The following ESRRG variants were observed in gnomAD, a reference collection of about 807,000 sequenced individuals.
The protein encoded by ESRRG is estrogen-related receptor gamma.
In ESRRG, 13 loss-of-function variants were observed where a neutral mutation model predicts 44.0. The observed-to-expected ratio is 0.30, with a 90% CI of 0.19 to 0.47. The LOEUF (loss-of-function observed/expected upper bound fraction) is 0.47, where lower values mean the gene tolerates loss of function less well. Ranked by LOEUF, ESRRG falls within the 20% of genes least tolerant of loss-of-function variation. The pLI, the probability that ESRRG is intolerant of heterozygous loss-of-function variation, is 1.00. For synonymous variants in ESRRG, 215 were observed against 214.6 expected, an observed-to-expected ratio of 1.00 and a Z score of -0.02; for missense variants, 395 against 580.6, an observed-to-expected ratio of 0.68 and a Z score of 3.29.
At chr1:216,530,133 AG>A (rs901855480) in intron 5 of ESRRG, among the ~76,000 whole-genome samples, 2,425 of 135,774 alleles carry the variant, frequency 0.018, 133 homozygotes, top group African/African-American at 0.02. Flanking sequence ...AAAAAAAAAA[AG>A]GGGGTGGGGG....
intron 1 of ESRRG, among the ~76,000 whole-genome samples, chr1:216,975,736 C>A (rs1348177241): frequency 1.3e-5 from 2 of 152,208 alleles, no homozygotes; most frequent in African/African-American, 4.8e-5. Context: ...TTGTAGAATG[C>A]CCTTTAATCA....
intron 2 of ESRRG, among the ~76,000 whole-genome samples, chr1:216,815,480 G>A (rs2095104553): frequency 2.0e-5 from 3 of 152,120 alleles, no homozygotes; most frequent in Non-Finnish European, 4.4e-5. Flanking sequence ...AGTGGGATAT[G>A]CTACACACCT....
At chr1:216,526,533 C>T (rs921846029) in intron 5 of ESRRG, among the ~76,000 whole-genome samples, 1 of 152,104 alleles carries the variant, frequency 6.6e-6, no homozygotes, top group African/African-American at 2.4e-5. Context: ...ACCCAAACCT[C>T]CTGCCACCTG....
chr1:216,670,507 C>T (rs1313482738), intron 2 of ESRRG, among the ~76,000 whole-genome samples: 1 of 152,160 alleles, frequency 6.6e-6, no homozygotes, highest in Non-Finnish European at 1.5e-5. Flanking sequence ...CACAAAGATC[C>T]CACTCAAAGT....
intron 2 of ESRRG, among the ~76,000 whole-genome samples, chr1:216,733,220 T>C (rs1168989442): frequency 6.6e-6 from 1 of 151,802 alleles, no homozygotes; most frequent in Non-Finnish European, 1.5e-5. Context: ...TTCATCTCCA[T>C]AATTTTGCTA....
chr1:217,089,248 A>G (rs901405203), intron 1 of ESRRG, among the ~76,000 whole-genome samples: 1 of 152,004 alleles, frequency 6.6e-6, no homozygotes, highest in Non-Finnish European at 1.5e-5. Context: ...TCTAATTGCA[A>G]TTAGAATTCA....
intron 1 of ESRRG, among the ~76,000 whole-genome samples, chr1:216,968,157 T>C (rs1456520300): frequency 6.6e-6 from 1 of 152,220 alleles, no homozygotes; most frequent in African/African-American, 2.4e-5. Context: ...ATAAGATGTC[T>C]TTTATAAATG....
intron 3 of ESRRG, among the ~76,000 whole-genome samples, chr1:216,582,404 C>G (rs2062955045): frequency 1.3e-5 from 2 of 152,106 alleles, no homozygotes. Flanking sequence ...GAAGGAATGT[C>G]TTTTTGCCAA....
chr1:216,653,091 C>A (rs1341538864), intron 2 of ESRRG, among the ~76,000 whole-genome samples: 1 of 152,196 alleles, frequency 6.6e-6, no homozygotes, highest in Admixed American at 6.5e-5. Context: ...TCCTACGCAC[C>A]TTTAACCCAG....
intron 1 of ESRRG, among the ~76,000 whole-genome samples, chr1:217,133,627 TTCTTTC>T (rs1189374132): frequency 1.3e-4 from 5 of 38,798 alleles, no homozygotes; most frequent in African/African-American, 2.0e-4. Flanking sequence ...CTTTCTTTCT[TTCTTTC>T]TCTCTCTCTC....
At chr1:216,878,985 T>C (rs1421193751) in intron 2 of ESRRG, among the ~76,000 whole-genome samples, 1 of 152,136 alleles carries the variant, frequency 6.6e-6, no homozygotes, top group Non-Finnish European at 1.5e-5. Context: ...AAAGATTAAA[T>C]TACAACTATG....
intron 1 of ESRRG, among the ~76,000 whole-genome samples, chr1:216,694,538 T>G (rs141856553): frequency 6.6e-6 from 1 of 152,188 alleles, no homozygotes; most frequent in East Asian, 1.9e-4. Context: ...TTTCTTTTTC[T>G]TATCTTTTCT....
chr1:216,545,767 A>G lies in ESRRG; in HGVS notation c.862+18452T>C, dbSNP rs368440958. 2.8e-4 allele frequency among the ~76,000 whole-genome samples: 42 copies of G among 152,162 alleles called. No homozygotes were observed. In the Middle Eastern group the frequency reaches 0.014, roughly 49 times the overall value. On this transcript the variant is annotated intron_variant, in intron 5 of 6. Transcript: ENST00000408911. Reference sequence around the variant, plus strand: ...ATAAATATCTCCCATGAAATTTCCAAGAAAACTCTTAATTCAAATGTTCCC... The same window carrying G: ...ATAAATATCTCCCATGAAATTTCCAGGAAAACTCTTAATTCAAATGTTCCC...
intron 1 of ESRRG, among the ~76,000 whole-genome samples, chr1:217,077,164 C>A (rs2091378133): frequency 6.6e-6 from 1 of 152,126 alleles, no homozygotes; most frequent in African/African-American, 2.4e-5. Flanking sequence ...TGGCTGAATC[C>A]ATGGTTACCC....
At chr1:216,652,836 A>G (rs539274083) in intron 2 of ESRRG, among the ~76,000 whole-genome samples, 1 of 152,182 alleles carries the variant, frequency 6.6e-6, no homozygotes, top group African/African-American at 2.4e-5. Context: ...GTTGCTAGTA[A>G]TTTTCTAAGG....
intron 3 of ESRRG, among the ~76,000 whole-genome samples, chr1:216,630,431 C>T (rs909648376): frequency 1.2e-4 from 17 of 141,638 alleles, no homozygotes; most frequent in African/African-American, 3.2e-4. Flanking sequence ...CATGTGCATG[C>T]ACATGTGCGT....
intron 3 of ESRRG, among the ~76,000 whole-genome samples, chr1:216,601,331 T>A (rs1426916424): frequency 6.6e-6 from 1 of 152,014 alleles, no homozygotes; most frequent in Admixed American, 6.5e-5. Context: ...CGGAGGGCGC[T>A]GCGCGCGTCC....
At chr1:216,846,501 T>C (rs899908165) in intron 2 of ESRRG, among the ~76,000 whole-genome samples, 1 of 152,092 alleles carries the variant, frequency 6.6e-6, no homozygotes, top group East Asian at 1.9e-4. Context: ...AGTAGATAAA[T>C]GGCTGTGACT....
chr1:216,894,604 G>A (rs1054645207), intron 2 of ESRRG, among the ~76,000 whole-genome samples: 1 of 152,012 alleles, frequency 6.6e-6, no homozygotes, highest in African/African-American at 2.4e-5. Context: ...TTCCCTCCTA[G>A]CTGAAAATCT....
Sources: allele counts gnomAD v4.1 joint callset (sites outside exome capture counted in the v4.1 genomes callset), GRCh38; gene constraint gnomAD v4.1.1; transcripts MANE v1.5; gene names NCBI Gene and HGNC (gene_info 2026-07-23, HGNC 2026-07-21).